ENTPD1: variants seen among roughly 807,000 people sequenced by gnomAD.
ENTPD1 encodes the protein ectonucleoside triphosphate diphosphohydrolase 1, also known as ATP diphosphohydrolase.
In ENTPD1, 33 loss-of-function variants were observed where a neutral mutation model predicts 57.0. The ratio of observed to expected loss-of-function variants is 0.58; its 90% CI spans 0.44 to 0.77. The LOEUF is 0.77. Among genes scored for constraint, ENTPD1 ranks in the 30% least tolerant of loss-of-function variants. ENTPD1 has a pLI of 0.00. For missense variants in ENTPD1, 501 were observed against 603.4 expected (o/e 0.83, Z 1.78); for synonymous variants, 202 against 218.8 (o/e 0.92, Z 0.68).
At chr10:95,756,319 C>T (rs1013019815) in intron 1 of ENTPD1, 64 bp downstream of exon 1, 7 of 1,511,948 alleles carry the variant, frequency 4.6e-6, no homozygotes, top group South Asian at 1.3e-5. Context: ...AAAATAAAAG[C>T]CCAGACCAAA....
At chr10:95,767,314 CAAA>C (rs1160221654) in intron 1 of ENTPD1, among the ~76,000 whole-genome samples, 3 of 68,156 alleles carry the variant, frequency 4.4e-5, no homozygotes, top group African/African-American at 1.1e-4. Flanking sequence ...GACTCCATCT[CAAA>C]AAAAAAAAAA....
chr10:95,728,147 C>G (rs114981036), intron 1 of ENTPD1, among the ~76,000 whole-genome samples: 1 of 152,126 alleles, frequency 6.6e-6, no homozygotes, highest in Admixed American at 6.6e-5. Flanking sequence ...GGGCTATAGG[C>G]GCTGAGCCTC....
intron 9 of ENTPD1, among the ~76,000 whole-genome samples, chr10:95,865,117 CA>C (rs558726595): frequency 1.3e-5 from 2 of 152,290 alleles, no homozygotes; most frequent in South Asian, 4.1e-4. Context: ...TAATTCCTTA[CA>C]AAACAAAACA....
At position 95,876,192 on chromosome 10, in the gene ENTPD1, A is replaced by G; in HGVS notation, c.*9809A>G. On this transcript the variant is annotated 3_prime_UTR_variant, in exon 10 of 10. Transcript: ENST00000371205. ...CTCCACATTGTCAGTTTTCTTAGGT[A>G]TATTTATAAATACTCCTATAAAAAT... The G allele has an allele frequency of 4.1e-6, 4 of 980,184 alleles. No individual in the cohort carries two copies. Among genetic ancestry groups the G allele is most frequent in the Non-Finnish European group, 4.8e-6 (4 of 825,146 alleles). The allele number at this position is 980,184 out of a possible 1,614,324, so 60.7% of individuals were successfully genotyped here.
At chr10:95,748,116 G>A (rs191140605) in intron 1 of ENTPD1, among the ~76,000 whole-genome samples, 2,004 of 152,016 alleles carry the variant, frequency 0.013, 28 homozygotes, top group Middle Eastern at 0.031. Flanking sequence ...CTCGTGATCC[G>A]CCCACCTCGG....
intron 7 of ENTPD1, among the ~76,000 whole-genome samples, chr10:95,852,633 T>A (rs903577823): frequency 6.6e-6 from 1 of 152,242 alleles, no homozygotes; most frequent in African/African-American, 2.4e-5. Context: ...GGATCCAGTT[T>A]CAGCTTTCTA....
intron 1 of ENTPD1, among the ~76,000 whole-genome samples, chr10:95,769,398 C>A (rs562335493): frequency 6.6e-6 from 1 of 152,172 alleles, no homozygotes; most frequent in East Asian, 1.9e-4. Context: ...CGCAGAGGAA[C>A]CAACATGTAC....
upstream of ENTPD1, chr10:95,711,761 T>C (rs2097965771): frequency 1.5e-6 from 1 of 671,486 alleles, no homozygotes; most frequent in South Asian, 1.8e-5. Context: ...CCTTCAGGTC[T>C]TCATTCTGCA....
intron 1 of ENTPD1, among the ~76,000 whole-genome samples, chr10:95,746,812 T>A (rs900142266): frequency 5.9e-5 from 9 of 152,218 alleles, no homozygotes; most frequent in Non-Finnish European, 1.3e-4. Context: ...AGTGGAGAAA[T>A]ACAAATTCAA....
intron 7 of ENTPD1, among the ~76,000 whole-genome samples, chr10:95,859,847 AT>A (rs67253264): frequency 0.66 from 99,730 of 151,784 alleles, 33,322 homozygotes; most frequent in Admixed American, 0.72. Flanking sequence ...TTTTAATAGA[AT>A]TTTTTTTTGT....
At chr10:95,699,616 GAAA>G in the ENTPD1 span, among the ~76,000 whole-genome samples, 2 of 50,264 alleles carry the variant, frequency 4.0e-5, no homozygotes, top group Admixed American at 3.0e-4. Flanking sequence ...CAAAAAAAAA[GAAA>G]GAGAGAGATT....
intron 5 of ENTPD1, chr10:95,844,886 A>C: frequency 1.8e-6 from 1 of 565,230 alleles, no homozygotes; most frequent in Non-Finnish European, 3.1e-6. Flanking sequence ...GGAAATTAAA[A>C]ATTTATCATT....
the ENTPD1 span, among the ~76,000 whole-genome samples, chr10:95,704,499 T>C: frequency 6.6e-6 from 1 of 152,166 alleles, no homozygotes; most frequent in South Asian, 2.1e-4. Flanking sequence ...CACACATATG[T>C]AGTCACTTGA....
upstream of ENTPD1, among the ~76,000 whole-genome samples, chr10:95,709,667 G>A (rs536459566): frequency 7.2e-5 from 11 of 152,268 alleles, no homozygotes; most frequent in South Asian, 2.3e-3. Flanking sequence ...ACAGGCCTGA[G>A]CCACCGGGCC....
chr10:95,796,405 T>C (rs929146835), intron 1 of ENTPD1, among the ~76,000 whole-genome samples: 4 of 152,108 alleles, frequency 2.6e-5, no homozygotes, highest in African/African-American at 9.7e-5. Flanking sequence ...AATTTGAGCC[T>C]CAATTTCTTC....
At position 95,872,226 on chromosome 10, in the gene ENTPD1, T is replaced by C; in HGVS notation, c.*5843T>C. 2.0e-6 allele frequency: 2 copies of C among 985,466 alleles called. No individual in the cohort carries two copies. Among genetic ancestry groups the C allele is most frequent in the Non-Finnish European group, 2.4e-6 (2 of 829,942 alleles). The allele number at this position is 985,466 out of a possible 1,614,324, so 61.0% of individuals were successfully genotyped here. On this transcript the variant is annotated 3_prime_UTR_variant, in exon 10 of 10. Coordinates refer to ENST00000371205, the MANE Select transcript of ENTPD1 (RefSeq NM_001776.6). Reference sequence around the variant, plus strand: ...AATCTTTGCAAAGCACAGGCTTAATTTCATTGCTGCTCAACTAAAACCACT... The same window carrying C: ...AATCTTTGCAAAGCACAGGCTTAATCTCATTGCTGCTCAACTAAAACCACT...
At chr10:95,849,526 T>C (rs994067943) in intron 7 of ENTPD1, among the ~76,000 whole-genome samples, 7 of 152,180 alleles carry the variant, frequency 4.6e-5, no homozygotes, top group African/African-American at 1.7e-4. Flanking sequence ...GAAGAGAACA[T>C]AGGCACTGTC....
chr10:95,752,393 G>A (rs528840113), upstream of ENTPD1, among the ~76,000 whole-genome samples: 9 of 152,180 alleles, frequency 5.9e-5, no homozygotes, highest in African/African-American at 1.7e-4. Context: ...AGTGTCTCAC[G>A]CCTGTAATCC....
At chr10:95,717,430 G>A (rs946279252) in intron 1 of ENTPD1, among the ~76,000 whole-genome samples, 7 of 150,028 alleles carry the variant, frequency 4.7e-5, no homozygotes, top group African/African-American at 1.5e-4. Context: ...GGGGGTTGCC[G>A]CTCCCTGCTC....
Sources: gnomAD v4.1 joint callset for allele counts (sites outside exome capture counted in the v4.1 genomes callset) on GRCh38, gnomAD v4.1.1 for gene constraint, MANE v1.5 for transcripts, NCBI Gene and HGNC (gene_info 2026-07-23, HGNC 2026-07-21) for gene names.